Variants in PRELID2 observed in about 807,000 individuals in gnomAD.
The protein encoded by PRELID2 is PRELI domain containing 2.
Under a neutral mutation model 28.4 loss-of-function variants are expected in PRELID2, and 25 were observed. That is an observed-to-expected ratio of 0.88 (90% CI 0.64 to 1.23). PRELID2 has a LOEUF of 1.23. PRELID2 is among the 50% of genes most tolerant of loss of function. The pLI is 0.00. For missense variants in PRELID2, 201 were observed against 214.4 expected (o/e 0.94, Z 0.39); for synonymous variants, 76 against 71.6 (o/e 1.06, Z -0.31).
chr5:145,707,105 T>C (rs984383723), intron 1 of PRELID2, among the ~76,000 whole-genome samples: 2 of 152,270 alleles, frequency 1.3e-5, no homozygotes, highest in Admixed American at 1.3e-4. Flanking sequence ...TGAGGCACTG[T>C]GCCACTGTGA....
chr5:145,265,347 T>C, the PRELID2 span, among the ~76,000 whole-genome samples: 2 of 152,152 alleles, frequency 1.3e-5, no homozygotes, highest in Admixed American at 1.3e-4. Flanking sequence ...ACCCATCTCA[T>C]GCTCACACAT....
intron 1 of PRELID2, among the ~76,000 whole-genome samples, chr5:145,667,945 G>A (rs1296374507): frequency 6.6e-6 from 1 of 152,038 alleles, no homozygotes; most frequent in Non-Finnish European, 1.5e-5. Context: ...AGTTCGGGTA[G>A]AGACAAAAAG....
chr5:145,529,777 A>T (rs1752639873), intron 1 of PRELID2, among the ~76,000 whole-genome samples: 1 of 152,180 alleles, frequency 6.6e-6, no homozygotes, highest in Non-Finnish European at 1.5e-5. Flanking sequence ...TTGGGTGTTC[A>T]CTAAACGACT....
intron 1 of PRELID2, among the ~76,000 whole-genome samples, chr5:145,512,125 G>A (rs895074087): frequency 6.6e-6 from 1 of 152,132 alleles, no homozygotes; most frequent in African/African-American, 2.4e-5. Context: ...AATAAATTTT[G>A]TAGATGAAAG....
intron 1 of PRELID2, among the ~76,000 whole-genome samples, chr5:145,658,999 T>C (rs1419127144): frequency 1.3e-5 from 2 of 152,078 alleles, no homozygotes; most frequent in Non-Finnish European, 2.9e-5. Flanking sequence ...GGCAGATGCA[T>C]GAGAACTCAA....
chr5:145,615,475 C>T (rs1380100188), intron 1 of PRELID2, among the ~76,000 whole-genome samples: 3 of 143,140 alleles, frequency 2.1e-5, no homozygotes, highest in Non-Finnish European at 3.0e-5. Context: ...TACAGGTGCC[C>T]GCCACCTCGC....
chr5:145,236,663 T>C, the PRELID2 span, among the ~76,000 whole-genome samples: 1 of 152,120 alleles, frequency 6.6e-6, no homozygotes, highest in South Asian at 2.1e-4. Context: ...TTGACTCTTT[T>C]TACTTCCTTT....
At chr5:145,334,166 C>T in the PRELID2 span, among the ~76,000 whole-genome samples, 1 of 152,164 alleles carries the variant, frequency 6.6e-6, no homozygotes, top group South Asian at 2.1e-4. Context: ...AGAAATCACC[C>T]ACTTTCTGTG....
At chr5:145,528,397 T>C (rs1321587457) in intron 1 of PRELID2, among the ~76,000 whole-genome samples, 6 of 152,102 alleles carry the variant, frequency 3.9e-5, no homozygotes, top group African/African-American at 1.2e-4. Context: ...TAAATAAATC[T>C]ATAATGACGG....
At chr5:145,315,064 C>CTT in the PRELID2 span, among the ~76,000 whole-genome samples, 370 of 100,548 alleles carry the variant, frequency 3.7e-3, no homozygotes, top group Non-Finnish European at 5.2e-3. Flanking sequence ...TACAATAATT[C>CTT]TTTTTTTTTT....
In PRELID2 at chr5:145,811,082, C is replaced by CAAAAAA. The variant is rs56978118; in HGVS notation, c.368+6806_368+6811dup. Among the ~76,000 whole-genome samples, 3 of 26,730 alleles carry CAAAAAA rather than the reference C, an allele frequency of 1.1e-4. 1 individual carries two copies. The highest frequency in any genetic ancestry group is 2.0e-4 in the Non-Finnish European group (3 of 14,784). 17.5% of individuals were successfully genotyped at this position (26,730 alleles called of 152,430 possible). On this transcript the variant is annotated intron_variant, in intron 4 of 6. Coordinates refer to ENST00000683046, the MANE Select transcript of PRELID2 (RefSeq NM_205846.3). ...AAGGCACGTCTTACATGGCAGCAGG[C>CAAAAAA]AAAAAAAAAAAAAAAAAAAAAAAAA...
At chr5:145,367,486 T>C in the PRELID2 span, among the ~76,000 whole-genome samples, 7 of 152,034 alleles carry the variant, frequency 4.6e-5, no homozygotes, top group South Asian at 2.1e-4. Context: ...CAGTTGACAT[T>C]AGGATTCATT....
At chr5:145,806,875 G>T (rs533311399) in intron 4 of PRELID2, among the ~76,000 whole-genome samples, 1 of 152,172 alleles carries the variant, frequency 6.6e-6, no homozygotes, top group Non-Finnish European at 1.5e-5. Flanking sequence ...CACCATAATT[G>T]TAAGTTTCCT....
chr5:145,500,980 C>T (rs1002634283), intron 1 of PRELID2, among the ~76,000 whole-genome samples: 6 of 152,102 alleles, frequency 3.9e-5, no homozygotes, highest in African/African-American at 1.4e-4. Context: ...AGAGGGAGGA[C>T]CTGGCCTCCT....
the PRELID2 span, among the ~76,000 whole-genome samples, chr5:145,329,084 G>A: frequency 6.6e-6 from 1 of 152,154 alleles, no homozygotes; most frequent in Non-Finnish European, 1.5e-5. Context: ...TCAGATGGTG[G>A]TAGATGTGTG....
chr5:145,244,530 A>G, the PRELID2 span, among the ~76,000 whole-genome samples: 2 of 152,108 alleles, frequency 1.3e-5, no homozygotes, highest in East Asian at 3.9e-4. Flanking sequence ...TTATGAGACC[A>G]TATTCCCTGG....
the PRELID2 span, among the ~76,000 whole-genome samples, chr5:145,305,425 C>A: frequency 3.3e-5 from 5 of 152,044 alleles, no homozygotes; most frequent in Non-Finnish European, 7.4e-5. Flanking sequence ...CCCTTCCTAC[C>A]CTAAGGAGAA....
At chr5:145,429,107 C>T in the PRELID2 span, among the ~76,000 whole-genome samples, 2 of 152,148 alleles carry the variant, frequency 1.3e-5, no homozygotes, top group African/African-American at 4.8e-5. Flanking sequence ...TTTAAAAGAG[C>T]ACTTTGGAGA....
intron 1 of PRELID2, among the ~76,000 whole-genome samples, chr5:145,676,004 T>C (rs1052701987): frequency 2.0e-5 from 3 of 151,064 alleles, no homozygotes; most frequent in Non-Finnish European, 4.4e-5. Flanking sequence ...TTGGATCACC[T>C]GAGGTCAGGA....
Sources: allele counts gnomAD v4.1 joint callset (sites outside exome capture counted in the v4.1 genomes callset), GRCh38; gene constraint gnomAD v4.1.1; transcripts MANE v1.5; gene names NCBI Gene and HGNC (gene_info 2026-07-23, HGNC 2026-07-21).